NRG3: variants seen among roughly 807,000 people sequenced by gnomAD.
The protein encoded by NRG3 is neuregulin 3.
NRG3 carries 31 observed loss-of-function variants against 66.9 expected under a neutral mutation model. The observed-to-expected ratio is 0.46, with a 90% CI of 0.35 to 0.63. The LOEUF is 0.63. NRG3 is among the 20% of genes least tolerant of loss of function. The pLI, the probability that NRG3 is intolerant of heterozygous loss-of-function variation, is 0.00. For synonymous variants in NRG3, 393 were observed against 359.4 expected (o/e 1.09, Z -1.06); for missense variants, 910 against 878.9 (o/e 1.04, Z -0.45).
At chr10:82,847,442 C>T (rs2063356086) in intron 3 of NRG3, among the ~76,000 whole-genome samples, 1 of 152,112 alleles carries the variant, frequency 6.6e-6, no homozygotes, top group African/African-American at 2.4e-5. Context: ...ACATGCATTT[C>T]ATTTCTTCAA....
intron 4 of NRG3, among the ~76,000 whole-genome samples, chr10:82,942,410 A>T (rs1848656208): frequency 6.6e-6 from 1 of 152,256 alleles, no homozygotes; most frequent in Non-Finnish European, 1.5e-5. Flanking sequence ...AAGAATTACC[A>T]TAAGGCTGTG....
intron 1 of NRG3, among the ~76,000 whole-genome samples, chr10:82,051,858 A>C (rs2063607774): frequency 7.1e-6 from 1 of 141,594 alleles, no homozygotes; most frequent in Admixed American, 7.1e-5. Flanking sequence ...AACTAAGGTC[A>C]AACTGAGCTC....
intron 3 of NRG3, among the ~76,000 whole-genome samples, chr10:82,780,892 T>C (rs1301549576): frequency 6.6e-6 from 1 of 152,136 alleles, no homozygotes; most frequent in Non-Finnish European, 1.5e-5. Context: ...CATTCAGGCA[T>C]CATGGGTTGC....
chr10:82,294,225 A>T (rs1444816869), intron 1 of NRG3, among the ~76,000 whole-genome samples: 1 of 152,224 alleles, frequency 6.6e-6, no homozygotes, highest in African/African-American at 2.4e-5. Flanking sequence ...AACTCAGTTC[A>T]TATCACAAAT....
At chr10:82,906,410 T>G (rs1238868657) in intron 4 of NRG3, among the ~76,000 whole-genome samples, 7 of 152,216 alleles carry the variant, frequency 4.6e-5, no homozygotes, top group Non-Finnish European at 7.3e-5. Flanking sequence ...TGGGCTTTTA[T>G]TAAAACATTA....
intron 1 of NRG3, among the ~76,000 whole-genome samples, chr10:82,029,295 TCTGA>T: frequency 6.6e-6 from 1 of 152,262 alleles, no homozygotes; most frequent in South Asian, 2.1e-4. Context: ...TTAACTTTTC[TCTGA>T]AGAAGTATTC....
intron 3 of NRG3, among the ~76,000 whole-genome samples, chr10:82,783,444 A>T (rs1381410524): frequency 2.0e-5 from 3 of 151,716 alleles, no homozygotes; most frequent in Non-Finnish European, 1.5e-5. Context: ...ACATGATTGT[A>T]TATCTAGAAA....
At chr10:82,427,736 G>A (rs774139833) in intron 2 of NRG3, among the ~76,000 whole-genome samples, 2 of 152,034 alleles carry the variant, frequency 1.3e-5, no homozygotes, top group African/African-American at 2.4e-5. Flanking sequence ...GAGTCAATAA[G>A]TGATTCTTCC....
At chr10:82,744,542 T>C (rs755638221) in intron 3 of NRG3, among the ~76,000 whole-genome samples, 5 of 152,148 alleles carry the variant, frequency 3.3e-5, no homozygotes, top group Non-Finnish European at 5.9e-5. Context: ...AGCACCACAT[T>C]AAGGATTAGG....
At position 82,857,959 on chromosome 10, in the gene NRG3, A is replaced by G. The variant is rs145949106; in HGVS notation, c.1028-7452A>G. 1.1e-3 allele frequency among the ~76,000 whole-genome samples: 172 copies of G among 152,308 alleles called. 2 individuals are homozygous for G. Among genetic ancestry groups the G allele is most frequent in the Middle Eastern group, 6.8e-3 (2 of 294 alleles). On this transcript the variant is annotated intron_variant, in intron 3 of 8. Coordinates refer to ENST00000372141, the MANE Select transcript of NRG3 (RefSeq NM_001010848.4). ...GGACAGACATTCTAGGATTGAACACAGCTCCTGGAAAGGAGCTTTTCTGCC... is the reference window on the plus strand; with the variant it reads ...GGACAGACATTCTAGGATTGAACACGGCTCCTGGAAAGGAGCTTTTCTGCC...
rs1357504469 is a variant in NRG3 at position 82,193,477 on chromosome 10, G to T, written c.824-165262G>T. On this transcript the variant is annotated intron_variant, in intron 1 of 8. Coordinates refer to ENST00000372141, the MANE Select transcript of NRG3 (RefSeq NM_001010848.4). Reference sequence around the variant, plus strand: ...ATTTTATAAAAAGTCTATTCTGACTGTTGTATAAAAACTGATTGTAGAGGA... The same window carrying T: ...ATTTTATAAAAAGTCTATTCTGACTTTTGTATAAAAACTGATTGTAGAGGA... 2.0e-5 allele frequency among the ~76,000 whole-genome samples: 3 copies of T among 150,560 alleles called. No homozygotes were observed. In the East Asian group the frequency reaches 5.8e-4, roughly 29 times the overall value.
At chr10:82,824,656 G>T (rs1338916045) in intron 3 of NRG3, among the ~76,000 whole-genome samples, 1 of 149,510 alleles carries the variant, frequency 6.7e-6, no homozygotes, top group African/African-American at 2.5e-5. Context: ...CTTACAGGCT[G>T]TTTGTATATT....
At chr10:82,023,068 C>T (rs2062134315) in intron 1 of NRG3, among the ~76,000 whole-genome samples, 1 of 151,390 alleles carries the variant, frequency 6.6e-6, no homozygotes, top group South Asian at 2.1e-4. Context: ...TGTTCTCTTC[C>T]AGCTATTTCA....
At chr10:82,543,868 G>A (rs1489320094) in intron 2 of NRG3, among the ~76,000 whole-genome samples, 2 of 152,162 alleles carry the variant, frequency 1.3e-5, no homozygotes, top group Non-Finnish European at 2.9e-5. Flanking sequence ...AGGGGGATAA[G>A]CTTCAGTCAG....
chr10:82,540,987 A>G (rs2043502257), intron 2 of NRG3, among the ~76,000 whole-genome samples: 1 of 152,158 alleles, frequency 6.6e-6, no homozygotes. Context: ...AGGAAATTTG[A>G]ACACGCAAAG....
intron 1 of NRG3, among the ~76,000 whole-genome samples, chr10:82,307,699 TG>T (rs879760929): frequency 8.5e-5 from 13 of 152,098 alleles, no homozygotes; most frequent in Non-Finnish European, 1.6e-4. Context: ...TTTATTAGGT[TG>T]GTGCAAAAGT....
At chr10:82,000,174 CT>C (rs1261297622) in intron 1 of NRG3, among the ~76,000 whole-genome samples, 3 of 152,116 alleles carry the variant, frequency 2.0e-5, no homozygotes, top group African/African-American at 7.2e-5. Flanking sequence ...TTTACCTAAA[CT>C]TTAAAGAACA....
At chr10:82,588,847 T>C (rs1346306093) in intron 2 of NRG3, among the ~76,000 whole-genome samples, 2 of 152,302 alleles carry the variant, frequency 1.3e-5, no homozygotes, top group East Asian at 3.9e-4. Context: ...TATTTCTTTA[T>C]AGCAACAAAA....
intron 2 of NRG3, among the ~76,000 whole-genome samples, chr10:82,687,457 A>G (rs1011521300): frequency 5.3e-5 from 8 of 152,168 alleles, no homozygotes; most frequent in African/African-American, 1.7e-4. Context: ...TTTAAGCTTC[A>G]TAATTATTAG....
Sources: allele counts gnomAD v4.1 joint callset (sites outside exome capture counted in the v4.1 genomes callset), GRCh38; gene constraint gnomAD v4.1.1; transcripts MANE v1.5; gene names NCBI Gene and HGNC (gene_info 2026-07-23, HGNC 2026-07-21).